Variants in TRIP12 observed in about 807,000 individuals in gnomAD.
TRIP12 encodes the protein E3 ubiquitin-protein ligase TRIP12.
TRIP12 carries 25 observed loss-of-function variants against 244.2 expected under a neutral mutation model. The observed-to-expected ratio is 0.10, with a 90% CI of 0.07 to 0.14. The LOEUF (loss-of-function observed/expected upper bound fraction) is 0.14, where lower values mean the gene tolerates loss of function less well. Ranked by LOEUF, TRIP12 falls within the 10% of genes least tolerant of loss-of-function variation. The pLI is 1.00. For synonymous variants in TRIP12, 905 were observed against 873.1 expected, an observed-to-expected ratio of 1.04 and a Z score of -0.64; for missense variants, 1,677 against 2,486.4, an observed-to-expected ratio of 0.67 and a Z score of 6.92.
At chr2:229,846,590 G>A (rs1319548377) in intron 4 of TRIP12, among the ~76,000 whole-genome samples, 2 of 151,878 alleles carry the variant, frequency 1.3e-5, no homozygotes, top group East Asian at 1.9e-4. Context: ...TAATTTTCTT[G>A]TGGTGGCTGG....
intron 2 of TRIP12, among the ~76,000 whole-genome samples, chr2:229,879,404 A>G (rs558288697): frequency 2.0e-5 from 3 of 152,332 alleles, no homozygotes; most frequent in African/African-American, 7.2e-5. Flanking sequence ...ATTACATTCA[A>G]GAAAACACAT....
intron 13 of TRIP12, among the ~76,000 whole-genome samples, chr2:229,811,525 C>T (rs1051469945): frequency 1.3e-5 from 2 of 151,982 alleles, no homozygotes; most frequent in African/African-American, 2.4e-5. Context: ...ATATAAATAT[C>T]CTACTTTCCT....
chr2:229,814,075 A>G (rs758880538), intron 12 of TRIP12, 44 bp from the exon 13 acceptor site: 1 of 1,536,428 alleles, frequency 6.5e-7, no homozygotes, highest in Non-Finnish European at 8.8e-7. Flanking sequence ...ATCCTTTATC[A>G]GCAATAAAAA....
At chr2:229,832,495 T>C (rs951779396) in intron 6 of TRIP12, among the ~76,000 whole-genome samples, 2 of 152,220 alleles carry the variant, frequency 1.3e-5, no homozygotes, top group African/African-American at 2.4e-5. Flanking sequence ...CCCACACTTC[T>C]GGTAAAGAAA....
rs746096308 is a variant in TRIP12, at chr2:229,880,072, T to A, written c.8A>T (p.Asn3Ile). ...CCCCCCTGGATTGTTATTAGGCCGG[T>A]TGGACATTGGCACCTCTCTCTTGAA... Reference protein sequence around the residue: MSNRPNNNPGGSL... With the variant: MSIRPNNNPGGSL... Residue 3 changes from asparagine (N) to isoleucine (I), a missense_variant, in exon 2 of 42, where the codon AAC (asparagine) becomes ATC (isoleucine). By Grantham distance (149) the Asn-to-Ile change is moderately radical. This residue lies in a region of TRIP12 where 387 missense variants were observed against 392.6 expected (regional missense o/e 0.99). Coordinates refer to ENST00000675903, the MANE Select transcript of TRIP12 (RefSeq NM_001348323.3). 3 of 1,614,054 alleles carry A rather than the reference T, an allele frequency of 1.9e-6. No individual in the cohort carries two copies. The African/African-American group carries it at 4.0e-5, about 22-fold the overall frequency.
At chr2:229,884,999 A>G (rs2065722212) in intron 1 of TRIP12, among the ~76,000 whole-genome samples, 1 of 152,188 alleles carries the variant, frequency 6.6e-6, no homozygotes, top group African/African-American at 2.4e-5. Flanking sequence ...ATACAGCCAC[A>G]TATTGCACTA....
chr2:229,910,528 T>C (rs542936886), intron 1 of TRIP12, among the ~76,000 whole-genome samples: 1 of 152,278 alleles, frequency 6.6e-6, no homozygotes, highest in East Asian at 1.9e-4. Flanking sequence ...ACAATGAAGA[T>C]ATAAAATGAT....
At chr2:229,874,577 A>C (rs2063262687) in intron 2 of TRIP12, among the ~76,000 whole-genome samples, 1 of 152,166 alleles carries the variant, frequency 6.6e-6, no homozygotes, top group Admixed American at 6.5e-5. Flanking sequence ...TACCTCATGG[A>C]AGAATGTTAC....
intron 2 of TRIP12, among the ~76,000 whole-genome samples, chr2:229,871,204 G>C (rs1209448873): frequency 6.9e-6 from 1 of 144,522 alleles, no homozygotes. Flanking sequence ...GAGGGGAGGG[G>C]AGGGGAGGGG....
At chr2:229,869,929 C>A (rs747817984) in intron 2 of TRIP12, among the ~76,000 whole-genome samples, 2 of 152,316 alleles carry the variant, frequency 1.3e-5, no homozygotes, top group Non-Finnish European at 2.9e-5. Context: ...CAGTAGTTGG[C>A]AACTTCAGAT....
intron 1 of TRIP12, among the ~76,000 whole-genome samples, chr2:229,920,242 G>C (rs1421974801): frequency 2.0e-5 from 3 of 152,114 alleles, no homozygotes; most frequent in Non-Finnish European, 4.4e-5. Flanking sequence ...GACTCAACTT[G>C]CTAGGTCTTT....
chr2:229,821,427 T>C (rs944433827), intron 8 of TRIP12, among the ~76,000 whole-genome samples: 1 of 152,188 alleles, frequency 6.6e-6, no homozygotes, highest in African/African-American at 2.4e-5. Flanking sequence ...ACGTTCTCTT[T>C]CAAGGGAGAG....
At position 229,771,314 on chromosome 2, in the gene TRIP12, C is replaced by A. The variant is rs139369855; in HGVS notation, c.5808+205G>T. The stretch of plus-strand genomic sequence containing the variant: ...GCTATGCTTACTGTCACGCGTGGAA[C>A]CCGCTCCCCAATCTAAGAGGGGACA... On this transcript the variant is annotated intron_variant, in intron 39 of 41. Transcript: ENST00000675903. Among the ~76,000 whole-genome samples the A allele has an allele frequency of 2.9e-3, 449 of 152,304 alleles. 2 individuals are homozygous for A. Among genetic ancestry groups the A allele is most frequent in the African/African-American group, 0.01 (429 of 41,556 alleles).
chr2:229,871,199 G>T (rs1353818595), intron 2 of TRIP12, among the ~76,000 whole-genome samples: 1 of 145,456 alleles, frequency 6.9e-6, no homozygotes, highest in Non-Finnish European at 1.5e-5. Context: ...GAGGAGAGGG[G>T]AGGGGAGGGG....
intron 39 of TRIP12, 35 bp from the exon 40 acceptor site, chr2:229,769,360 A>C: frequency 6.2e-7 from 1 of 1,601,720 alleles, no homozygotes; most frequent in Non-Finnish European, 8.6e-7. Flanking sequence ...AGAATTACTA[A>C]GGAAACATTT....
intron 17 of TRIP12, among the ~76,000 whole-genome samples, chr2:229,807,131 CAT>C (rs1189045245): frequency 6.6e-6 from 1 of 152,184 alleles, no homozygotes; most frequent in Non-Finnish European, 1.5e-5. Context: ...TTGTATTATT[CAT>C]ATGTTCACTT....
intron 17 of TRIP12, among the ~76,000 whole-genome samples, chr2:229,806,954 G>T (rs1329433467): frequency 1.3e-5 from 2 of 152,104 alleles, no homozygotes; most frequent in Non-Finnish European, 2.9e-5. Flanking sequence ...ATTATGCATG[G>T]CATCACAAAT....
intron 2 of TRIP12, among the ~76,000 whole-genome samples, chr2:229,869,942 A>G (rs919022734): frequency 4.6e-5 from 7 of 152,222 alleles, no homozygotes; most frequent in African/African-American, 1.7e-4. Context: ...CTTCAGATTC[A>G]CATCTTCCCA....
At chr2:229,785,880 G>C (rs1453983944) in intron 33 of TRIP12, 25 bp from the exon 34 acceptor site, 4 of 1,593,518 alleles carry the variant, frequency 2.5e-6, no homozygotes, top group East Asian at 2.2e-5. Flanking sequence ...CAACTGTCAG[G>C]AAACTATGCT....
Sources: gnomAD v4.1 joint callset for allele counts (sites outside exome capture counted in the v4.1 genomes callset) on GRCh38, gnomAD v4.1.1 for gene constraint, gnomAD v4.1.1 regional missense constraint, MANE v1.5 for transcripts, NCBI Gene and HGNC (gene_info 2026-07-23, HGNC 2026-07-21) for gene names.